Variants in BRD10 observed in about 807,000 individuals in gnomAD.
BRD10 encodes the protein uncharacterized bromodomain-containing protein 10.
chr9:5,940,795 T>C, the BRD10 span, among the ~76,000 whole-genome samples: 9 of 152,316 alleles, frequency 5.9e-5, no homozygotes, highest in African/African-American at 2.2e-4. Flanking sequence ...TCCTTACATA[T>C]TGATTATAAA....
chr9:5,973,233 A>G, the BRD10 span, among the ~76,000 whole-genome samples: 1 of 152,122 alleles, frequency 6.6e-6, no homozygotes. Flanking sequence ...TTGGGAGGCC[A>G]AGGCAGGCAG....
At chr9:5,881,146 T>C in the BRD10 span, among the ~76,000 whole-genome samples, 1 of 152,148 alleles carries the variant, frequency 6.6e-6, no homozygotes, top group Non-Finnish European at 1.5e-5. Context: ...CTGACACCCT[T>C]TTCAACTATT....
chr9:5,881,998 G>A, the BRD10 span, among the ~76,000 whole-genome samples: 1 of 152,224 alleles, frequency 6.6e-6, no homozygotes, highest in Admixed American at 6.5e-5. Context: ...CTGTCATGCA[G>A]TAAGTGGTAG....
the BRD10 span, among the ~76,000 whole-genome samples, chr9:5,904,304 G>C: frequency 2.0e-5 from 3 of 152,204 alleles, no homozygotes; most frequent in Non-Finnish European, 4.4e-5. Flanking sequence ...GATATTCAAA[G>C]TAGTTATTGA....
the BRD10 span, among the ~76,000 whole-genome samples, chr9:5,986,978 A>C: frequency 2.0e-5 from 3 of 152,186 alleles, no homozygotes; most frequent in African/African-American, 7.2e-5. Flanking sequence ...AAATCAAAAA[A>C]TGGTATACTG....
chr9:5,897,688 G>C, the BRD10 span: 1 of 1,544,454 alleles, frequency 6.5e-7, no homozygotes, highest in South Asian at 1.1e-5. Context: ...ATCCCTCCAA[G>C]TCCAGGGCCC....
the BRD10 span, among the ~76,000 whole-genome samples, chr9:5,971,027 G>A: frequency 3.9e-5 from 5 of 127,662 alleles, no homozygotes; most frequent in Non-Finnish European, 8.0e-5. Context: ...ACTCCAGCCT[G>A]GGCAACAAGA....
At chr9:5,943,837 G>C in the BRD10 span, among the ~76,000 whole-genome samples, 9 of 152,024 alleles carry the variant, frequency 5.9e-5, no homozygotes, top group Non-Finnish European at 8.8e-5. Flanking sequence ...AAATTACCAT[G>C]ATACTCTCAG....
the BRD10 span, among the ~76,000 whole-genome samples, chr9:5,975,149 A>G: frequency 6.6e-6 from 1 of 152,124 alleles, no homozygotes. Flanking sequence ...AGAACTAGCA[A>G]TAAGGGCTGG....
the BRD10 span, among the ~76,000 whole-genome samples, chr9:6,003,636 C>T: frequency 6.6e-6 from 1 of 151,932 alleles, no homozygotes; most frequent in African/African-American, 2.4e-5. Flanking sequence ...AATATGTTAC[C>T]GCCTTTGAAA....
chr9:5,897,187 C>T, the BRD10 span, among the ~76,000 whole-genome samples: 14 of 152,258 alleles, frequency 9.2e-5, no homozygotes, highest in African/African-American at 3.4e-4. Context: ...TCTTTGTGGG[C>T]TGAGTTGGAG....
At chr9:5,912,825 C>T in the BRD10 span, among the ~76,000 whole-genome samples, 2 of 152,222 alleles carry the variant, frequency 1.3e-5, no homozygotes, top group African/African-American at 2.4e-5. Context: ...AAGCTTCCTG[C>T]AGGCCAGGGT....
chr9:6,007,848 G>C, the BRD10 span: 2 of 1,380,030 alleles, frequency 1.4e-6, no homozygotes, highest in Non-Finnish European at 1.9e-6. Context: ...GGGGACGCGT[G>C]AGCGCGAGCC....
chr9:5,971,781 C>G, the BRD10 span, among the ~76,000 whole-genome samples: 8 of 152,046 alleles, frequency 5.3e-5, no homozygotes, highest in Non-Finnish European at 8.8e-5. Flanking sequence ...TTGGCTTCCT[C>G]TGTACAGAGC....
At chr9:5,968,161 CTTT>C in the BRD10 span, 4 of 1,599,686 alleles carry the variant, frequency 2.5e-6, no homozygotes, top group Non-Finnish European at 3.4e-6. Context: ...CTTTCAATTT[CTTT>C]TTTTTCTTTT....
At chr9:5,951,065 CA>C in the BRD10 span, among the ~76,000 whole-genome samples, 2 of 151,088 alleles carry the variant, frequency 1.3e-5, no homozygotes, top group Non-Finnish European at 3.0e-5. Context: ...CACACACACA[CA>C]CACACACACA....
At chr9:5,942,445 T>C in the BRD10 span, among the ~76,000 whole-genome samples, 1 of 152,182 alleles carries the variant, frequency 6.6e-6, no homozygotes, top group South Asian at 2.1e-4. Flanking sequence ...TAACGTAACA[T>C]ACATTTCATA....
the BRD10 span, chr9:5,919,583 C>CACACACACACACAA: frequency 1.1e-5 from 11 of 1,025,384 alleles, no homozygotes; most frequent in Non-Finnish European, 1.3e-5. Flanking sequence ...CACACACACA[C>CACACACACACACAA]AATGTATAGT....
the BRD10 span, chr9:5,969,479 A>C: frequency 7.9e-7 from 1 of 1,258,896 alleles, no homozygotes; most frequent in Non-Finnish European, 1.1e-6. Context: ...TTCAGAGGGT[A>C]CCATAAAATG....
Sources: gnomAD v4.1 joint callset for allele counts (sites outside exome capture counted in the v4.1 genomes callset) on GRCh38, gnomAD v4.1.1 for gene constraint, MANE v1.5 for transcripts, NCBI Gene and HGNC (gene_info 2026-07-23, HGNC 2026-07-21) for gene names.